The following ADAM12 variants were observed in gnomAD, a reference collection of about 807,000 sequenced individuals.
ADAM12 encodes the protein disintegrin and metalloproteinase domain-containing protein 12.
In ADAM12, 70 loss-of-function variants were observed where a neutral mutation model predicts 106.4. The ratio of observed to expected loss-of-function variants is 0.66; its 90% confidence interval spans 0.54 to 0.80. The LOEUF is 0.80. Ranked by LOEUF, ADAM12 falls within the 30% of genes least tolerant of loss-of-function variation. The pLI is 0.00. For missense variants in ADAM12, 1,010 were observed against 1,171.9 expected, an observed-to-expected ratio of 0.86 and a Z score of 2.02; for synonymous variants, 420 against 433.5, an observed-to-expected ratio of 0.97 and a Z score of 0.39.
At chr10:126,041,545 T>G in intron 18 of ADAM12, 9 of 985,854 alleles carry the variant, frequency 9.1e-6, no homozygotes, top group Non-Finnish European at 9.6e-6. Flanking sequence ...TCACCGCCCT[T>G]TCTCCTACCT....
Position 126,217,900 on chromosome 10 carries a change from G to A in ADAM12, c.260+61015C>T, listed in dbSNP as rs142369400. Among the ~76,000 whole-genome samples, 568 of 151,498 alleles carry A rather than the reference G, an allele frequency of 3.7e-3. 8 individuals carry two copies. Among genetic ancestry groups the A allele is most frequent in the East Asian group, 0.037 (185 of 5,044 alleles). ...TGAGGCAGGAGAATTGCTTGAACCC[G>A]GGAGGTAGAGGTTGTAGTGAGCCAA... On this transcript the variant is annotated intron_variant, in intron 3 of 22. Transcript: ENST00000448723.
intron 3 of ADAM12, among the ~76,000 whole-genome samples, chr10:126,214,820 G>T (rs1053595621): frequency 3.9e-5 from 6 of 152,190 alleles, no homozygotes; most frequent in African/African-American, 1.4e-4. Flanking sequence ...TAGAATAGCA[G>T]CTTTCTGGAA....
At chr10:126,234,547 G>A (rs1361892165) in intron 3 of ADAM12, among the ~76,000 whole-genome samples, 1 of 152,204 alleles carries the variant, frequency 6.6e-6, no homozygotes, top group African/African-American at 2.4e-5. Flanking sequence ...TGCCTGCTCT[G>A]CCCAGTAATG....
intron 3 of ADAM12, among the ~76,000 whole-genome samples, chr10:126,229,609 TCCCTCC>T (rs538308794): frequency 7.9e-6 from 1 of 127,094 alleles, no homozygotes; most frequent in Admixed American, 8.1e-5. Context: ...TCTCTCCCTC[TCCCTCC>T]CCCTCCCTCT....
At chr10:126,353,205 C>T (rs1057345253) in intron 1 of ADAM12, among the ~76,000 whole-genome samples, 5 of 152,198 alleles carry the variant, frequency 3.3e-5, no homozygotes, top group Non-Finnish European at 7.3e-5. Flanking sequence ...GAGCTCACAA[C>T]CTCATGGATG....
chr10:126,088,100 CTCTG>C (rs1466751526), intron 11 of ADAM12, among the ~76,000 whole-genome samples: 3 of 152,152 alleles, frequency 2.0e-5, no homozygotes, highest in South Asian at 2.1e-4. Context: ...AGATTTTTCT[CTCTG>C]TCTTTTAGAG....
At chr10:126,190,554 G>A (rs1565126484) in intron 3 of ADAM12, among the ~76,000 whole-genome samples, 1 of 152,090 alleles carries the variant, frequency 6.6e-6, no homozygotes, top group Non-Finnish European at 1.5e-5. Flanking sequence ...GCTGGAGGCT[G>A]GGAATTTCAC....
chr10:126,376,358 G>C (rs1264783446), intron 1 of ADAM12, among the ~76,000 whole-genome samples: 1 of 152,078 alleles, frequency 6.6e-6, no homozygotes, highest in Non-Finnish European at 1.5e-5. Flanking sequence ...CTTTCAATAA[G>C]GAAATGACTC....
chr10:126,233,621 T>C (rs1228849450), intron 3 of ADAM12, among the ~76,000 whole-genome samples: 2 of 151,984 alleles, frequency 1.3e-5, no homozygotes, highest in Non-Finnish European at 2.9e-5. Flanking sequence ...CTGCAGGAGA[T>C]AGGAGGATTG....
intron 3 of ADAM12, among the ~76,000 whole-genome samples, chr10:126,214,212 C>G (rs11244888): frequency 6.6e-6 from 1 of 152,092 alleles, no homozygotes; most frequent in African/African-American, 2.4e-5. Flanking sequence ...TGGTCGTATG[C>G]GCAGAACACC....
Position 126,330,955 on chromosome 10 carries a change from T to C in ADAM12, c.89-446A>G, listed in dbSNP as rs372822701. On this transcript the variant is annotated intron_variant, in intron 1 of 22. Transcript: ENST00000448723. ...AATCTGTTAAACATAATGCCAATTC[T>C]CCTCTCTGCACTTATGGAGTCTAAT... Among the ~76,000 whole-genome samples, 181 of 152,332 alleles carry C rather than the reference T, an allele frequency of 1.2e-3. 7 individuals carry two copies. In the South Asian group the frequency reaches 0.037, roughly 31 times the overall value.
chr10:126,376,574 A>T (rs1302741637), intron 1 of ADAM12, among the ~76,000 whole-genome samples: 2 of 152,244 alleles, frequency 1.3e-5, no homozygotes, highest in Non-Finnish European at 2.9e-5. Context: ...TCTTACAAAG[A>T]TGCACAAGAA....
intron 3 of ADAM12, among the ~76,000 whole-genome samples, chr10:126,237,858 C>G (rs187806469): frequency 5.9e-5 from 9 of 152,308 alleles, no homozygotes; most frequent in Admixed American, 4.6e-4. Context: ...GAGCTTGGGA[C>G]AAGCTAGGAT....
intron 2 of ADAM12, among the ~76,000 whole-genome samples, chr10:126,293,824 A>G (rs1251068405): frequency 1.3e-5 from 2 of 151,884 alleles, no homozygotes; most frequent in East Asian, 1.9e-4. Flanking sequence ...AATACTCCCC[A>G]TCTTCCACAA....
At chr10:126,107,250 G>A (rs1955791059) in intron 8 of ADAM12, among the ~76,000 whole-genome samples, 1 of 152,036 alleles carries the variant, frequency 6.6e-6, no homozygotes, top group Admixed American at 6.6e-5. Flanking sequence ...AGACTCCCTG[G>A]CCCTGGGAAG....
chr10:126,068,548 A>C (rs1446019998), intron 12 of ADAM12, among the ~76,000 whole-genome samples: 1 of 152,236 alleles, frequency 6.6e-6, no homozygotes, highest in Non-Finnish European at 1.5e-5. Flanking sequence ...AAACAAGGAG[A>C]TAAGGCTGCT....
intron 21 of ADAM12, among the ~76,000 whole-genome samples, chr10:126,025,494 G>A (rs769816548): frequency 2.1e-4 from 32 of 152,232 alleles, no homozygotes; most frequent in Admixed American, 2.6e-4. Flanking sequence ...AGAGAAAAAA[G>A]AATGAAAAGG....
intron 3 of ADAM12, among the ~76,000 whole-genome samples, chr10:126,166,833 A>C (rs1341026304): frequency 2.6e-5 from 4 of 152,126 alleles, no homozygotes; most frequent in Non-Finnish European, 4.4e-5. Flanking sequence ...AAGATCTATC[A>C]AGTTTCAGTA....
At chr10:126,228,651 A>T (rs1031817609) in intron 3 of ADAM12, among the ~76,000 whole-genome samples, 1 of 152,168 alleles carries the variant, frequency 6.6e-6, no homozygotes, top group Non-Finnish European at 1.5e-5. Context: ...TAAATGAAAC[A>T]CTTTGTTGCA....
Sources: gnomAD v4.1 joint callset for allele counts (sites outside exome capture counted in the v4.1 genomes callset) on GRCh38, gnomAD v4.1.1 for gene constraint, MANE v1.5 for transcripts, NCBI Gene and HGNC (gene_info 2026-07-23, HGNC 2026-07-21) for gene names.